Variants in ARNT2 observed in about 807,000 individuals in gnomAD.
ARNT2 encodes the protein aryl hydrocarbon receptor nuclear translocator 2.
A neutral mutation model predicts 91.7 loss-of-function variants in ARNT2; 36 were observed. The ratio of observed to expected loss-of-function variants is 0.39; its 90% CI spans 0.30 to 0.52. ARNT2 has a LOEUF of 0.52. Ranked by LOEUF, ARNT2 falls within the 20% of genes least tolerant of loss-of-function variation. ARNT2 has a pLI of 0.72. For synonymous variants in ARNT2, 365 were observed against 347.1 expected, an observed-to-expected ratio of 1.05 and a Z score of -0.57; for missense variants, 775 against 939.3, an observed-to-expected ratio of 0.83 and a Z score of 2.29.
At chr15:80,407,408 A>C (rs1422882723) in intron 1 of ARNT2, among the ~76,000 whole-genome samples, 1 of 152,158 alleles carries the variant, frequency 6.6e-6, no homozygotes, top group African/African-American at 2.4e-5. Context: ...CCAAATTTGG[A>C]ATCTGCTCCT....
At chr15:80,436,194 T>C (rs1443354641) in intron 1 of ARNT2, 2 of 152,670 alleles carry the variant, frequency 1.3e-5, no homozygotes, top group African/African-American at 4.8e-5. Flanking sequence ...CTGATCTTAC[T>C]GAGTTTCAGG....
At chr15:80,529,264 C>G (rs1897696993) in intron 8 of ARNT2, among the ~76,000 whole-genome samples, 1 of 152,164 alleles carries the variant, frequency 6.6e-6, no homozygotes, top group African/African-American at 2.4e-5. Context: ...CTATTTCAGA[C>G]TTGAGTCACT....
intron 12 of ARNT2, among the ~76,000 whole-genome samples, chr15:80,572,082 T>C (rs950751545): frequency 2.0e-5 from 3 of 151,844 alleles, no homozygotes; most frequent in African/African-American, 7.3e-5. Context: ...TGCAAACCTC[T>C]AGCATCTCTG....
intron 3 of ARNT2, among the ~76,000 whole-genome samples, chr15:80,464,931 T>G (rs1477079188): frequency 1.3e-5 from 2 of 152,198 alleles, no homozygotes; most frequent in East Asian, 1.9e-4. Flanking sequence ...GCAGCCACTC[T>G]TGGTCTGATG....
chr15:80,543,827 G>A (rs557297710), intron 8 of ARNT2, among the ~76,000 whole-genome samples: 5 of 151,956 alleles, frequency 3.3e-5, no homozygotes, highest in Admixed American at 2.6e-4. Flanking sequence ...TGCAATCTCC[G>A]CCTCCCACGT....
chr15:80,577,394 C>T (rs949766597), intron 15 of ARNT2, among the ~76,000 whole-genome samples: 2 of 152,226 alleles, frequency 1.3e-5, no homozygotes, highest in African/African-American at 4.8e-5. Flanking sequence ...CTAAAGGGCA[C>T]TCAAGGCTTC....
rs200035674 is a variant in ARNT2, at chr15:80,535,732, T to TTTTG, written c.878-15464_878-15463insGTTT. ...ATGTTGTTTTGCATCACACAGGTTT[T>TTTTG]TTTTTTTTTTGTCTGTTTAAATAAA... On this transcript the variant is annotated intron_variant, in intron 8 of 18. Transcript: ENST00000303329. Among the ~76,000 whole-genome samples, 587 of 135,668 alleles carry TTTTG rather than the reference T, an allele frequency of 4.3e-3. 3 individuals are homozygous for TTTTG. Among genetic ancestry groups the TTTTG allele is most frequent in the Non-Finnish European group, 7.8e-3 (467 of 59,682 alleles). 89.0% of individuals were successfully genotyped at this position (135,668 alleles called of 152,430 possible). A position where few individuals can be genotyped will look rare whatever the true frequency, so the allele number is the denominator to read the frequency against.
At chr15:80,578,753 G>T (rs952591212) in intron 15 of ARNT2, among the ~76,000 whole-genome samples, 1 of 152,090 alleles carries the variant, frequency 6.6e-6, no homozygotes, top group Non-Finnish European at 1.5e-5. Flanking sequence ...CATAGAAAAG[G>T]CACTTGCTGA....
At chr15:80,502,186 G>C (rs1897206954) in intron 5 of ARNT2, among the ~76,000 whole-genome samples, 1 of 152,214 alleles carries the variant, frequency 6.6e-6, no homozygotes, top group South Asian at 2.1e-4. Context: ...AAGGTGAGAG[G>C]ACCAGAGTGA....
rs35018525 is a variant in ARNT2 at position 80,562,079 on chromosome 15, C to CTT, written c.1165-997_1165-996dup. Among the ~76,000 whole-genome samples the CTT allele has an allele frequency of 2.7e-3, 393 of 144,688 alleles. 1 individual carries two copies. The highest frequency in any genetic ancestry group is 0.011 in the Middle Eastern group (3 of 282). The allele number at this position is 144,688 out of a possible 152,430, so 94.9% of individuals were successfully genotyped here. On this transcript the variant is annotated intron_variant, in intron 11 of 18. Coordinates refer to ENST00000303329, the MANE Select transcript of ARNT2 (RefSeq NM_014862.4). ...TATATTTTATTTATTCTTCTTCCTT[C>CTT]TTTTTTTTTTTTTGAGACTGAGTCT...
intron 12 of ARNT2, among the ~76,000 whole-genome samples, chr15:80,569,251 G>A (rs752969616): frequency 2.6e-5 from 4 of 152,158 alleles, no homozygotes; most frequent in Admixed American, 6.5e-5. Context: ...CCGGACTCCT[G>A]CACCTCGCCG....
intron 5 of ARNT2, among the ~76,000 whole-genome samples, chr15:80,495,910 C>G (rs962386834): frequency 3.3e-5 from 5 of 152,206 alleles, no homozygotes; most frequent in African/African-American, 1.2e-4. Context: ...GGAAGCTTTC[C>G]CTGACCCAGT....
intron 15 of ARNT2, among the ~76,000 whole-genome samples, chr15:80,577,474 G>A (rs1567006786): frequency 6.6e-6 from 1 of 152,248 alleles, no homozygotes; most frequent in Non-Finnish European, 1.5e-5. Context: ...CACTGAGGAA[G>A]CCCTGACATC....
chr15:80,479,272 T>C (rs770887077), intron 5 of ARNT2, among the ~76,000 whole-genome samples: 9 of 152,118 alleles, frequency 5.9e-5, no homozygotes, highest in Non-Finnish European at 1.3e-4. Flanking sequence ...GTGAGGGTGA[T>C]GGTGGAGTTC....
intron 8 of ARNT2, among the ~76,000 whole-genome samples, chr15:80,538,460 A>G (rs1230717846): frequency 6.6e-6 from 1 of 152,196 alleles, no homozygotes; most frequent in Non-Finnish European, 1.5e-5. Context: ...ATTTTTAAAA[A>G]TCAGTTATTT....
intron 9 of ARNT2, 45 bp from the exon 10 acceptor site, chr15:80,552,595 C>T (rs183154743): frequency 3.0e-5 from 48 of 1,597,830 alleles, no homozygotes; most frequent in Middle Eastern, 1.7e-4. Flanking sequence ...ATCTCCATCT[C>T]GTCTCTGTCA....
intron 14 of ARNT2, among the ~76,000 whole-genome samples, chr15:80,576,171 C>T (rs1898670581): frequency 6.6e-6 from 1 of 152,216 alleles, no homozygotes; most frequent in Non-Finnish European, 1.5e-5. Flanking sequence ...AGAGTCCATC[C>T]TCTTCGCTGT....
intron 5 of ARNT2, among the ~76,000 whole-genome samples, chr15:80,483,997 G>C (rs1896928485): frequency 6.6e-6 from 1 of 152,132 alleles, no homozygotes; most frequent in African/African-American, 2.4e-5. Context: ...ATCAGTTCTG[G>C]AAAAAGATGG....
At chr15:80,551,415 A>G (rs1286563162) in intron 9 of ARNT2, 140 bp downstream of exon 9, 3 of 749,400 alleles carry the variant, frequency 4.0e-6, no homozygotes, top group Non-Finnish European at 2.2e-6. Context: ...TCTGTGGGAC[A>G]AGGCTGAGGC....
Sources: gnomAD v4.1 joint callset for allele counts (sites outside exome capture counted in the v4.1 genomes callset) on GRCh38, gnomAD v4.1.1 for gene constraint, MANE v1.5 for transcripts, NCBI Gene and HGNC (gene_info 2026-07-23, HGNC 2026-07-21) for gene names.